PTPRE: variants seen among roughly 807,000 people sequenced by gnomAD.
The protein encoded by PTPRE is protein tyrosine phosphatase receptor type E, also known as receptor-type tyrosine-protein phosphatase epsilon.
Under a neutral mutation model 102.0 loss-of-function variants are expected in PTPRE, and 51 were observed. That is an observed-to-expected ratio of 0.50 (90% confidence interval 0.40 to 0.63). PTPRE has a LOEUF of 0.63. Among genes scored for constraint, PTPRE ranks in the 30% least tolerant of loss-of-function variants. The pLI is 0.00. For synonymous variants in PTPRE, 345 were observed against 348.2 expected, an observed-to-expected ratio of 0.99 and a Z score of 0.10; for missense variants, 752 against 915.1, an observed-to-expected ratio of 0.82 and a Z score of 2.30.
chr10:128,053,207 C>G (rs572562349), intron 6 of PTPRE, among the ~76,000 whole-genome samples: 9 of 152,088 alleles, frequency 5.9e-5, no homozygotes, highest in Non-Finnish European at 4.4e-5. Flanking sequence ...GTCGAGATCG[C>G]GCCACTGCCC....
intron 10 of PTPRE, among the ~76,000 whole-genome samples, chr10:128,063,621 C>T (rs1017131120): frequency 2.0e-5 from 3 of 152,086 alleles, no homozygotes; most frequent in Admixed American, 6.5e-5. Context: ...ATTTGTCATC[C>T]GAATATATTT....
At chr10:128,046,933 C>G (rs770916612) in intron 3 of PTPRE, among the ~76,000 whole-genome samples, 1 of 152,232 alleles carries the variant, frequency 6.6e-6, no homozygotes, top group Non-Finnish European at 1.5e-5. Flanking sequence ...GGCCACAGGC[C>G]TCTGCCCAGC....
intron 2 of PTPRE, among the ~76,000 whole-genome samples, chr10:128,006,209 G>A (rs1464037159): frequency 1.3e-5 from 2 of 152,234 alleles, no homozygotes; most frequent in Non-Finnish European, 2.9e-5. Flanking sequence ...CTTGAGGCAT[G>A]ACTGACACCA....
chr10:127,993,626 G>T (rs754922712), intron 2 of PTPRE, among the ~76,000 whole-genome samples: 1 of 152,180 alleles, frequency 6.6e-6, no homozygotes, highest in Non-Finnish European at 1.5e-5. Context: ...GAAGACAGTT[G>T]TATCTTTGCA....
intron 1 of PTPRE, among the ~76,000 whole-genome samples, chr10:127,958,891 CT>C (rs572936097): frequency 0.073 from 8,789 of 120,772 alleles, 213 homozygotes; most frequent in African/African-American, 0.084. Context: ...TTCAACTTGC[CT>C]TTTTTTTTTT....
chr10:127,956,522 G>T lies in PTPRE; in HGVS notation c.-30-25752G>T, dbSNP rs966762113. Among the ~76,000 whole-genome samples, 3 of 152,218 alleles carry T rather than the reference G, an allele frequency of 2.0e-5. No homozygotes were observed. The East Asian group carries it at 5.8e-4, about 29-fold the overall frequency. ...CCAAGTTTGGGCAATTAAGAATAAA[G>T]CTGCTATATACATACATATGTGGGT... On this transcript the variant is annotated intron_variant, in intron 1 of 20. Coordinates refer to ENST00000254667, the MANE Select transcript of PTPRE (RefSeq NM_006504.6).
At chr10:127,940,288 C>T (rs893080945) in intron 1 of PTPRE, among the ~76,000 whole-genome samples, 10 of 152,146 alleles carry the variant, frequency 6.6e-5, no homozygotes, top group African/African-American at 2.2e-4. Context: ...AGAAGCTCCT[C>T]GTCTCCTTCA....
At chr10:128,062,780 C>T in intron 9 of PTPRE, 1 of 359,232 alleles carries the variant, frequency 2.8e-6, no homozygotes, top group South Asian at 5.6e-5. Context: ...TTCACCAGCT[C>T]TCCCACACTT....
rs908753433 is a variant in PTPRE at position 127,992,699 on chromosome 10, C to A, written c.-8+10403C>A. On this transcript the variant is annotated intron_variant, in intron 2 of 20. Coordinates refer to ENST00000254667, the MANE Select transcript of PTPRE (RefSeq NM_006504.6). ...AAAGCCAGACACCTGCTCTAGAAAC[C>A]TAGGTACCAGGTCTAAAATCCAAAT... Among the ~76,000 whole-genome samples, 3 of 152,184 alleles carry A rather than the reference C, an allele frequency of 2.0e-5. No individual in the cohort carries two copies. In the South Asian group the frequency reaches 6.2e-4, roughly 32 times the overall value.
intron 20 of PTPRE, among the ~76,000 whole-genome samples, chr10:128,080,300 C>G (rs1024540235): frequency 6.6e-6 from 1 of 152,210 alleles, no homozygotes; most frequent in Non-Finnish European, 1.5e-5. Flanking sequence ...ATTTTAAAGC[C>G]TGTTACAATG....
At chr10:127,959,458 T>C (rs886650501) in intron 1 of PTPRE, among the ~76,000 whole-genome samples, 1 of 145,656 alleles carries the variant, frequency 6.9e-6, no homozygotes, top group Non-Finnish European at 1.5e-5. Flanking sequence ...TGAATTACTT[T>C]TTTGTGGTTG....
In PTPRE at chr10:128,041,371, C is replaced by T. The variant is rs949187440; in HGVS notation, c.109+381C>T. Among the ~76,000 whole-genome samples the T allele has an allele frequency of 2.6e-5, 4 of 152,172 alleles. No individual in the cohort carries two copies. In the East Asian group the frequency reaches 7.7e-4, roughly 29 times the overall value. On this transcript the variant is annotated intron_variant, in intron 3 of 20. Coordinates refer to ENST00000254667, the MANE Select transcript of PTPRE (RefSeq NM_006504.6). ...AGGAACTAAAGAATTATTCTTAGGC[C>T]GGGTGCGGTGGCTCATACCTGTAAT...
intron 16 of PTPRE, 125 bp downstream of exon 16, chr10:128,072,339 G>T: frequency 2.2e-6 from 2 of 898,614 alleles, no homozygotes; most frequent in Admixed American, 3.0e-5. Flanking sequence ...AGCCATTTTT[G>T]TTAGCAGAAT....
intron 7 of PTPRE, among the ~76,000 whole-genome samples, chr10:128,056,809 C>T (rs936021342): frequency 6.6e-6 from 1 of 151,366 alleles, no homozygotes; most frequent in Non-Finnish European, 1.5e-5. Flanking sequence ...CGGATGTGTG[C>T]GGGGGTGCGT....
chr10:128,010,087 C>T (rs2135600735), intron 2 of PTPRE, among the ~76,000 whole-genome samples: 1 of 152,258 alleles, frequency 6.6e-6, no homozygotes, highest in East Asian at 1.9e-4. Flanking sequence ...TTATTCATCC[C>T]TCAAGTCCTT....
intron 2 of PTPRE, among the ~76,000 whole-genome samples, chr10:127,993,049 G>A (rs552732722): frequency 2.0e-5 from 3 of 152,164 alleles, no homozygotes; most frequent in South Asian, 2.1e-4. Context: ...AAGTTGCCCC[G>A]GTCACAGAAT....
chr10:127,926,804 CTTTTTTTTTTTTTT>C (rs150223324), intron 1 of PTPRE, among the ~76,000 whole-genome samples: 2 of 82,684 alleles, frequency 2.4e-5, no homozygotes, highest in African/African-American at 1.0e-4. Context: ...AGAGAGTTGT[CTTTTTTTTTTTTTT>C]TTTTTTTTTT....
intron 12 of PTPRE, chr10:128,069,009 G>A (rs1850525732): frequency 6.6e-6 from 1 of 152,378 alleles, no homozygotes; most frequent in African/African-American, 2.4e-5. Flanking sequence ...TTCATTCTGA[G>A]TATCACAGCA....
chr10:128,059,197 T>A (rs986067149), intron 7 of PTPRE, among the ~76,000 whole-genome samples: 1 of 152,312 alleles, frequency 6.6e-6, no homozygotes, highest in East Asian at 1.9e-4. Context: ...TCAACTAGTG[T>A]TATATGTGTT....
Sources: allele counts gnomAD v4.1 joint callset (sites outside exome capture counted in the v4.1 genomes callset), GRCh38; gene constraint gnomAD v4.1.1; transcripts MANE v1.5; gene names NCBI Gene and HGNC (gene_info 2026-07-23, HGNC 2026-07-21).